Variants in ONECUT2 observed in about 807,000 individuals in gnomAD.
The protein encoded by ONECUT2 is one cut homeobox 2.
ONECUT2 carries 10 observed loss-of-function variants against 27.9 expected under a neutral mutation model. The observed-to-expected ratio is 0.36, with a 90% CI of 0.22 to 0.61. ONECUT2 has a LOEUF of 0.61. Among genes scored for constraint, ONECUT2 ranks in the 20% least tolerant of loss-of-function variants. The pLI, the probability that ONECUT2 is intolerant of heterozygous loss-of-function variation, is 0.73. For missense variants in ONECUT2, 686 were observed against 721.0 expected (o/e 0.95, Z 0.56); for synonymous variants, 334 against 315.1 (o/e 1.06, Z -0.64).
chr18:57,447,531 C>T (rs11873088), intron 1 of ONECUT2, among the ~76,000 whole-genome samples: 3,013 of 152,282 alleles, frequency 0.02, 95 homozygotes, highest in African/African-American at 0.067. Context: ...AAGACTTTCC[C>T]TCTGAAGAGG....
At chr18:57,475,899 G>A (rs1296109626) in intron 1 of ONECUT2, among the ~76,000 whole-genome samples, 1 of 152,150 alleles carries the variant, frequency 6.6e-6, no homozygotes, top group Non-Finnish European at 1.5e-5. Flanking sequence ...GGGTTGGGAT[G>A]ATACCATCAT....
intron 1 of ONECUT2, among the ~76,000 whole-genome samples, chr18:57,449,782 T>A (rs1321385741): frequency 6.6e-6 from 1 of 152,206 alleles, no homozygotes; most frequent in East Asian, 1.9e-4. Context: ...CTTCTCCAGG[T>A]CCTATCATTC....
chr18:57,453,346 A>G (rs1010104116), intron 1 of ONECUT2, among the ~76,000 whole-genome samples: 3 of 152,258 alleles, frequency 2.0e-5, no homozygotes, highest in African/African-American at 7.2e-5. Context: ...AAAGGAAAAC[A>G]TTTTAAGCCT....
chr18:57,462,723 C>CTTT lies in ONECUT2; in HGVS notation c.1229-13691_1229-13689dup, dbSNP rs57032206. Among the ~76,000 whole-genome samples the CTTT allele has an allele frequency of 4.9e-3, 341 of 69,002 alleles. 3 individuals are homozygous for CTTT. The highest frequency in any genetic ancestry group is 8.9e-3 in the African/African-American group (149 of 16,830). 45.3% of individuals were successfully genotyped at this position (69,002 alleles called of 152,430 possible). A position where few individuals can be genotyped will look rare whatever the true frequency, so the allele number is the denominator to read the frequency against. The stretch of plus-strand genomic sequence containing the variant: ...AGAATTACCCTATGTTATTTTCTTT[C>CTTT]TTTTTTTTTTTTTTTTTTTTTTTTT... On this transcript the variant is annotated intron_variant, in intron 1 of 1. Coordinates refer to ENST00000491143, the MANE Select transcript of ONECUT2 (RefSeq NM_004852.3).
Position 57,436,646 on chromosome 18 carries a change from C to T in ONECUT2, c.930C>T (p.Pro310=), listed in dbSNP as rs759148932. Residue 310 remains proline, a synonymous_variant, in exon 1 of 2, where the codon CCC becomes CCT. Coordinates refer to ENST00000491143, the MANE Select transcript of ONECUT2 (RefSeq NM_004852.3). The surrounding 1 kb of genome is among the most constrained non-coding windows in gnomAD (Gnocchi z 5.9). ...AGTCTCACGGGCCGGTGCTGGCACC[C>T]AGTCGCGAGCGGCCACCCTCGTCCT... The part of the protein sequence containing the change: ...HTQSHGPVLA[P]SRERPPSSSS... The T allele has an allele frequency of 1.2e-6, 2 of 1,612,260 alleles. No homozygotes were observed. The highest frequency in any genetic ancestry group is 1.7e-6 in the Non-Finnish European group (2 of 1,179,882).
In ONECUT2 at chr18:57,484,168, C is replaced by T. The variant is rs1598948737; in HGVS notation, c.*7445C>T. ...GAATGAACTCTGTGTGTATGTAAAG[C>T]AACAAAACAAAAAAGGAAAAAAACA... On this transcript the variant is annotated 3_prime_UTR_variant, in exon 2 of 2. Transcript: ENST00000491143. 1 of 142,588 alleles carries T rather than the reference C, an allele frequency of 7.0e-6. No homozygotes were observed. Among genetic ancestry groups the T allele is most frequent in the Non-Finnish European group, 1.5e-5 (1 of 64,572 alleles). The allele number at this position is 142,588 out of a possible 1,614,324, so 8.8% of individuals were successfully genotyped here.
In ONECUT2 at chr18:57,486,990, C is replaced by T. The variant is rs1018009914; in HGVS notation, c.*10267C>T. ...TAATAGCAACATTTTTCATTTTGAA[C>T]TAGATCTTCCCCTTTGGTTCAATGG... is the stretch of plus-strand genomic sequence containing the variant. On this transcript the variant is annotated 3_prime_UTR_variant, in exon 2 of 2. Coordinates refer to ENST00000491143, the MANE Select transcript of ONECUT2 (RefSeq NM_004852.3). The T allele has an allele frequency of 2.0e-5, 3 of 152,612 alleles. No homozygotes were observed. Among genetic ancestry groups the T allele is most frequent in the African/African-American group, 7.2e-5 (3 of 41,450 alleles). The allele number at this position is 152,612 out of a possible 1,614,324, so 9.5% of individuals were successfully genotyped here. A position where few individuals can be genotyped will look rare whatever the true frequency, so the allele number is the denominator to read the frequency against.
rs773511438 is a variant in ONECUT2 at position 57,453,726 on chromosome 18, G to A, written c.1228+16782G>A. On this transcript the variant is annotated intron_variant, in intron 1 of 1. Transcript: ENST00000491143. ...ACAGACTCGCAGTCCAGCTCACAGC[G>A]GCTAGCTTTCTTTGGGTCATACCAG... is the stretch of plus-strand genomic sequence containing the variant. Among the ~76,000 whole-genome samples the A allele has an allele frequency of 5.3e-5, 8 of 152,176 alleles. No individual in the cohort carries two copies. The South Asian group carries it at 6.2e-4, about 12-fold the overall frequency.
rs554548627 is a variant in ONECUT2 at position 57,454,550 on chromosome 18, G to C, written c.1228+17606G>C. Among the ~76,000 whole-genome samples, 11 of 152,224 alleles carry C rather than the reference G, an allele frequency of 7.2e-5. No individual in the cohort carries two copies. The South Asian group carries it at 2.3e-3, about 32-fold the overall frequency. ...CCTGACGTTATCTAGTTGGTGTACAGATTAAATGAGACGCCATAAGGGTAT... is the reference window on the plus strand; with the variant it reads ...CCTGACGTTATCTAGTTGGTGTACACATTAAATGAGACGCCATAAGGGTAT... On this transcript the variant is annotated intron_variant, in intron 1 of 1. Transcript: ENST00000491143.
At chr18:57,456,851 C>T (rs1212307414) in intron 1 of ONECUT2, among the ~76,000 whole-genome samples, 1 of 152,044 alleles carries the variant, frequency 6.6e-6, no homozygotes, top group African/African-American at 2.4e-5. Context: ...TGGCATGTAC[C>T]TGCAGTCCCA....
In ONECUT2 at chr18:57,464,012, A is replaced by G. The variant is rs80202950; in HGVS notation, c.1229-12425A>G. On this transcript the variant is annotated intron_variant, in intron 1 of 1. Coordinates refer to ENST00000491143, the MANE Select transcript of ONECUT2 (RefSeq NM_004852.3). ...AACCAAAAAAAAAAAAAAGTCCCTC[A>G]TATTAACTTATAATTATGAGGATTC... 1.5e-3 allele frequency among the ~76,000 whole-genome samples: 227 copies of G among 151,858 alleles called. 2 individuals carry two copies. The highest frequency in any genetic ancestry group is 5.3e-3 in the African/African-American group (220 of 41,464).
chr18:57,436,464 G>C lies in ONECUT2; in HGVS notation c.748G>C (p.Gly250Arg), dbSNP rs764500843. 6.2e-7 allele frequency: 1 copy of C among 1,613,094 alleles called. No homozygotes were observed. Among genetic ancestry groups the C allele is most frequent in the Non-Finnish European group, 8.5e-7 (1 of 1,179,820 alleles). The change falls in exon 1 of 2, where the codon GGT becomes CGT. Residue 250 changes from glycine to arginine, a missense_variant. Transcript: ENST00000491143. This position sits in a 1 kb window ranked among gnomAD's most constrained non-coding sequence, Gnocchi z 5.9. ...CGCGCAGCAGAGTCTGCCCAACTAC[G>C]GTCCGCCGGGCCACGACAAAATGCT... is the stretch of plus-strand genomic sequence containing the variant. Reference protein sequence around the residue: ...HNAQQSLPNYGPPGHDKMLSP... With the variant: ...HNAQQSLPNYRPPGHDKMLSP...
At chr18:57,470,037 C>T (rs2050344648) in intron 1 of ONECUT2, among the ~76,000 whole-genome samples, 1 of 152,208 alleles carries the variant, frequency 6.6e-6, no homozygotes, top group African/African-American at 2.4e-5. Context: ...AATAATGCTG[C>T]AAAACACAGA....
At position 57,449,834 on chromosome 18, in the gene ONECUT2, T is replaced by G. The variant is rs568022328; in HGVS notation, c.1228+12890T>G. ...TGCCTCTGAAATCTTCCCAGCTAAC[T>G]TTGGCCCATTCCTTTCTGTTTCTTT... is the stretch of plus-strand genomic sequence containing the variant. On this transcript the variant is annotated intron_variant, in intron 1 of 1. Transcript: ENST00000491143. 2.0e-5 allele frequency among the ~76,000 whole-genome samples: 3 copies of G among 152,360 alleles called. No homozygotes were observed. The South Asian group carries it at 6.2e-4, about 32-fold the overall frequency.
Position 57,484,337 on chromosome 18 carries a change from TCTG to T in ONECUT2, c.*7616_*7618del, listed in dbSNP as rs1454782784. On this transcript the variant is annotated 3_prime_UTR_variant, in exon 2 of 2. Coordinates refer to ENST00000491143, the MANE Select transcript of ONECUT2 (RefSeq NM_004852.3). ...ACCAAAGATTTCTTTCTCTGTGCGG[TCTG>T]CATTTTGCTTGTGCTCTTTTATAAT... 6.5e-6 allele frequency: 1 copy of T among 152,680 alleles called. No individual in the cohort carries two copies. The highest frequency in any genetic ancestry group is 1.5e-5 in the Non-Finnish European group (1 of 68,036). The allele number at this position is 152,680 out of a possible 1,614,324, so 9.5% of individuals were successfully genotyped here.
chr18:57,446,084 G>C (rs2050199300), intron 1 of ONECUT2, among the ~76,000 whole-genome samples: 1 of 152,228 alleles, frequency 6.6e-6, no homozygotes. Context: ...ACGCCAGTCA[G>C]TCTGTAGGCA....
At position 57,489,241 on chromosome 18, in the gene ONECUT2, G is replaced by A. The variant is rs557969130; in HGVS notation, c.*12518G>A. 3 of 152,234 alleles carry A rather than the reference G, an allele frequency of 2.0e-5. No individual in the cohort carries two copies. Among genetic ancestry groups the A allele is most frequent in the African/African-American group, 7.2e-5 (3 of 41,542 alleles). 9.4% of individuals were successfully genotyped at this position (152,234 alleles called of 1,614,324 possible). ...TTTAGCTATCCCATCTATACCTTTT[G>A]GAGATGATTATTTAGAAAACAAAGA... On this transcript the variant is annotated 3_prime_UTR_variant, in exon 2 of 2. Coordinates refer to ENST00000491143, the MANE Select transcript of ONECUT2 (RefSeq NM_004852.3).
Position 57,476,791 on chromosome 18 carries a change from G to A in ONECUT2, c.*68G>A. 6.6e-7 allele frequency: 1 copy of A among 1,509,770 alleles called. No homozygotes were observed. The highest frequency in any genetic ancestry group is 2.1e-5 in the Admixed American group (1 of 46,970). 93.5% of individuals were successfully genotyped at this position (1,509,770 alleles called of 1,614,324 possible). On this transcript the variant is annotated 3_prime_UTR_variant, in exon 2 of 2. Transcript: ENST00000491143. ...ACAACAGATACCAAAAGAAAACAAAGGAAAAAGACACCGGATTCCTAGCTG... is the reference window on the plus strand; with the variant it reads ...ACAACAGATACCAAAAGAAAACAAAAGAAAAAGACACCGGATTCCTAGCTG...
rs1464083215 is a variant in ONECUT2, at chr18:57,436,612, G to T, written c.896G>T (p.Gly299Val). The T allele has an allele frequency of 4.3e-6, 7 of 1,610,734 alleles. No individual in the cohort carries two copies. The highest frequency in any genetic ancestry group is 5.1e-6 in the Non-Finnish European group (6 of 1,179,892). ...MSHLNGLHHPGHTQSHGPVLA... is the reference protein window; with the variant it reads ...MSHLNGLHHPVHTQSHGPVLA... ...CACCTGAACGGCCTGCACCACCCGGGCCACACTCAGTCTCACGGGCCGGTG... is the reference window on the plus strand; with the variant it reads ...CACCTGAACGGCCTGCACCACCCGGTCCACACTCAGTCTCACGGGCCGGTG... The change falls in exon 1 of 2, where the codon GGC (glycine) becomes GTC (valine). Residue 299 changes from glycine to valine, a missense_variant. Gly to Val is a moderately radical substitution (Grantham distance 109). Transcript: ENST00000491143. This position sits in a 1 kb window ranked among gnomAD's most constrained non-coding sequence, Gnocchi z 5.9.
Sources: gnomAD v4.1 joint callset for allele counts (sites outside exome capture counted in the v4.1 genomes callset) on GRCh38, gnomAD v4.1.1 for gene constraint, Gnocchi (gnomAD v3.1) non-coding constraint, MANE v1.5 for transcripts, NCBI Gene and HGNC (gene_info 2026-07-23, HGNC 2026-07-21) for gene names.